The following ENTPD5 variants were observed in gnomAD, a reference collection of about 807,000 sequenced individuals.
ENTPD5 encodes the protein ectonucleoside triphosphate diphosphohydrolase 5 (inactive).
In ENTPD5, 49 loss-of-function variants were observed where a neutral mutation model predicts 60.2. That is an observed-to-expected ratio of 0.81 (90% CI 0.65 to 1.03). The LOEUF is 1.03. ENTPD5 is among the 50% of genes least tolerant of loss of function. The pLI is 0.00. For synonymous variants in ENTPD5, 187 were observed against 185.4 expected (o/e 1.01, Z -0.07); for missense variants, 480 against 507.6 (o/e 0.95, Z 0.52).
rs1173485327 is a variant in ENTPD5 at position 73,963,325 on chromosome 14, G to C, written c.*3603C>G. On this transcript the variant is annotated 3_prime_UTR_variant, in exon 16 of 16. Coordinates refer to ENST00000334696, the MANE Select transcript of ENTPD5 (RefSeq NM_001249.5). ...TTTCTAAAGAGAAAATTTACATTTTGTTTTTGTTTTAATGTTGGTCATAAA... is the reference window on the plus strand; with the variant it reads ...TTTCTAAAGAGAAAATTTACATTTTCTTTTTGTTTTAATGTTGGTCATAAA... 2.3e-6 allele frequency: 1 copy of C among 441,766 alleles called. No homozygotes were observed. The highest frequency in any genetic ancestry group is 2.0e-5 in the African/African-American group (1 of 49,638). The allele number at this position is 441,766 out of a possible 1,614,324, so 27.4% of individuals were successfully genotyped here.
At chr14:73,975,597 T>A (rs1158124432) in intron 10 of ENTPD5, among the ~76,000 whole-genome samples, 1 of 151,976 alleles carries the variant, frequency 6.6e-6, no homozygotes, top group Non-Finnish European at 1.5e-5. Flanking sequence ...AGAGACGGGG[T>A]TTCACCATGT....
At chr14:74,002,045 T>C (rs1376710795) in intron 3 of ENTPD5, among the ~76,000 whole-genome samples, 1 of 152,154 alleles carries the variant, frequency 6.6e-6, no homozygotes, top group African/African-American at 2.4e-5. Flanking sequence ...GAGATCTTAG[T>C]AGATGCCAAG....
chr14:73,957,134 G>C (rs60611458), downstream of ENTPD5, among the ~76,000 whole-genome samples: 3 of 149,344 alleles, frequency 2.0e-5, no homozygotes, highest in East Asian at 5.9e-4. Flanking sequence ...GTCTCGCTCT[G>C]TCGCCCAGGC....
chr14:73,999,831 T>C (rs1224591157), intron 3 of ENTPD5, among the ~76,000 whole-genome samples: 3 of 150,624 alleles, frequency 2.0e-5, no homozygotes, highest in African/African-American at 7.4e-5. Context: ...AGCTTACACC[T>C]GTAATCCCAG....
At chr14:73,987,166 A>G (rs752560267) in intron 4 of ENTPD5, 2 of 701,790 alleles carry the variant, frequency 2.8e-6, no homozygotes, top group African/African-American at 1.7e-5. Flanking sequence ...AACACTGACA[A>G]TTCAGAAAAA....
chr14:73,969,546 A>C (rs1407593309), intron 15 of ENTPD5, among the ~76,000 whole-genome samples: 2 of 152,066 alleles, frequency 1.3e-5, no homozygotes, highest in African/African-American at 4.8e-5. Context: ...CAATAAAAAT[A>C]CAAAAAAATT....
At chr14:73,973,056 A>G in intron 12 of ENTPD5, 32 bp from the exon 13 acceptor site, 1 of 1,611,484 alleles carries the variant, frequency 6.2e-7, no homozygotes, top group Non-Finnish European at 8.5e-7. Flanking sequence ...GGGTAAGGTG[A>G]GAACGACGCT....
intron 11 of ENTPD5, among the ~76,000 whole-genome samples, chr14:73,974,311 C>T (rs1041454596): frequency 6.6e-6 from 1 of 152,136 alleles, no homozygotes; most frequent in African/African-American, 2.4e-5. Flanking sequence ...GAAAGAAATG[C>T]TATGCTACCT....
chr14:73,996,054 G>A (rs571914707), intron 3 of ENTPD5: 213 of 752,334 alleles, frequency 2.8e-4, no homozygotes, highest in African/African-American at 1.4e-3. Flanking sequence ...CCATGTCCCC[G>A]GAAGCCTGAG....
intron 5 of ENTPD5, among the ~76,000 whole-genome samples, chr14:73,985,150 AT>A (rs964791679): frequency 1.3e-5 from 2 of 152,180 alleles, no homozygotes; most frequent in African/African-American, 4.8e-5. Flanking sequence ...ATTGATGGAC[AT>A]TTGGGTTCGT....
chr14:73,991,617 A>C (rs1255476857), intron 3 of ENTPD5, among the ~76,000 whole-genome samples: 1 of 128,996 alleles, frequency 7.8e-6, no homozygotes, highest in Non-Finnish European at 1.7e-5. Context: ...CCAAAAAAAA[A>C]AAAAAAAAAC....
Position 73,976,026 on chromosome 14 carries a change from GA to G in ENTPD5, c.643-12del. On this transcript the variant is annotated splice_polypyrimidine_tract_variant and intron_variant, in intron 9 of 15. Transcript: ENST00000334696. ...TTGTTCCAGAGTTTTCTGCAAATCA[GA>G]AAAAGCAAAAAGACTATTCAGGATC... 1 of 1,606,634 alleles carries G rather than the reference GA, an allele frequency of 6.2e-7. No individual in the cohort carries two copies. The highest frequency in any genetic ancestry group is 8.5e-7 in the Non-Finnish European group (1 of 1,176,058).
At chr14:73,962,856 G>T, downstream of ENTPD5, 1 of 910,082 alleles carries the variant, frequency 1.1e-6, no homozygotes, top group Admixed American at 2.2e-5. Context: ...TCTTTTTTTA[G>T]CTGAAATAAA....
At chr14:73,982,138 G>A (rs1011787206) in intron 6 of ENTPD5, among the ~76,000 whole-genome samples, 14 of 152,166 alleles carry the variant, frequency 9.2e-5, no homozygotes, top group Non-Finnish European at 1.5e-4. Context: ...GCAGTGGTGT[G>A]ATCTCAGCTT....
chr14:73,959,251 C>T (rs1408855846), downstream of ENTPD5: 1 of 1,614,108 alleles, frequency 6.2e-7, no homozygotes, highest in African/African-American at 1.3e-5. Context: ...ACCAGTCCGC[C>T]CACATGCATG....
At chr14:73,960,833 C>T (rs185506158), downstream of ENTPD5, 29 of 403,810 alleles carry the variant, frequency 7.2e-5, no homozygotes, top group East Asian at 9.4e-4. Flanking sequence ...GAAATAGAGA[C>T]GGGCATTCTA....
At chr14:74,010,069 C>T (rs937661945) in intron 3 of ENTPD5, among the ~76,000 whole-genome samples, 8 of 152,016 alleles carry the variant, frequency 5.3e-5, no homozygotes, top group Non-Finnish European at 7.4e-5. Flanking sequence ...GGATTACAGG[C>T]GTAAGCCACC....
chr14:73,990,361 G>T (rs1220447292), intron 3 of ENTPD5, among the ~76,000 whole-genome samples: 2 of 145,204 alleles, frequency 1.4e-5, no homozygotes, highest in African/African-American at 4.9e-5. Context: ...TTGAGACAGG[G>T]TCTCACTCTG....
intron 4 of ENTPD5, 108 bp from the exon 5 acceptor site, chr14:73,987,001 T>C: frequency 1.2e-6 from 1 of 821,460 alleles, no homozygotes; most frequent in South Asian, 1.4e-5. Context: ...TTCCCTGAAG[T>C]TATCCCAAAT....
Sources: gnomAD v4.1 joint callset for allele counts (sites outside exome capture counted in the v4.1 genomes callset) on GRCh38, gnomAD v4.1.1 for gene constraint, MANE v1.5 for transcripts, NCBI Gene and HGNC (gene_info 2026-07-23, HGNC 2026-07-21) for gene names.